The following UNC13C variants were observed in gnomAD, a reference collection of about 807,000 sequenced individuals.
UNC13C encodes unc-13 homolog C.
UNC13C carries 174 observed loss-of-function variants against 245.4 expected under a neutral mutation model. The observed-to-expected ratio is 0.71, with a 90% CI of 0.63 to 0.80. The LOEUF (loss-of-function observed/expected upper bound fraction) is 0.80, where lower values mean the gene tolerates loss of function less well. Among genes scored for constraint, UNC13C ranks in the 30% least tolerant of loss-of-function variants. UNC13C has a pLI of 0.00. For synonymous variants in UNC13C, 992 were observed against 895.1 expected (o/e 1.11, Z -1.93); for missense variants, 2,829 against 2,602.9 (o/e 1.09, Z -1.89).
chr15:54,218,893 G>A (rs960721014), intron 4 of UNC13C, among the ~76,000 whole-genome samples: 5 of 152,068 alleles, frequency 3.3e-5, no homozygotes, highest in East Asian at 3.9e-4. Context: ...ATCTTAATGG[G>A]ACGTAAAGGA....
At chr15:54,111,202 A>C (rs1900752934) in intron 2 of UNC13C, among the ~76,000 whole-genome samples, 1 of 152,346 alleles carries the variant, frequency 6.6e-6, no homozygotes, top group Non-Finnish European at 1.5e-5. Context: ...GACAATAGAC[A>C]TCAAAGGCTC....
At chr15:54,183,915 A>C (rs2141308447) in intron 4 of UNC13C, among the ~76,000 whole-genome samples, 1 of 152,240 alleles carries the variant, frequency 6.6e-6, no homozygotes, top group South Asian at 2.1e-4. Flanking sequence ...CACATTAGCT[A>C]TGCCTTAAAT....
chr15:53,909,962 GT>G, the UNC13C span, among the ~76,000 whole-genome samples: 1 of 142,354 alleles, frequency 7.0e-6, no homozygotes, highest in African/African-American at 2.5e-5. Context: ...CTTTGATGAA[GT>G]TTCTGTATTT....
intron 24 of UNC13C, among the ~76,000 whole-genome samples, chr15:54,515,684 C>A (rs547186460): frequency 2.4e-4 from 36 of 152,094 alleles, no homozygotes; most frequent in Non-Finnish European, 4.3e-4. Context: ...ATGGTAGAAT[C>A]CATAGTTATC....
intron 4 of UNC13C, among the ~76,000 whole-genome samples, chr15:54,194,564 C>T (rs537032889): frequency 6.6e-6 from 1 of 151,918 alleles, no homozygotes; most frequent in South Asian, 2.1e-4. Context: ...TGGATTAAAA[C>T]AACATGATAT....
chr15:54,540,405 T>G (rs550347925), intron 26 of UNC13C, among the ~76,000 whole-genome samples: 2 of 152,218 alleles, frequency 1.3e-5, no homozygotes, highest in South Asian at 4.1e-4. Context: ...TTGAAAATTG[T>G]CTGATTAATT....
downstream of UNC13C, chr15:54,633,397 GA>G (rs1901493236): frequency 6.6e-6 from 1 of 151,952 alleles, no homozygotes; most frequent in Non-Finnish European, 1.5e-5. Context: ...GTTACTTTGA[GA>G]ATAAAATTCA....
At chr15:54,585,035 G>T (rs1898414844) in intron 30 of UNC13C, among the ~76,000 whole-genome samples, 1 of 152,246 alleles carries the variant, frequency 6.6e-6, no homozygotes, top group Middle Eastern at 3.4e-3. Context: ...ACTACCATTG[G>T]TTATCCGATA....
At chr15:54,572,956 T>A (rs1897821854) in intron 30 of UNC13C, among the ~76,000 whole-genome samples, 1 of 152,188 alleles carries the variant, frequency 6.6e-6, no homozygotes, top group African/African-American at 2.4e-5. Flanking sequence ...TTCTCTTTTT[T>A]CTGTTTTTCT....
intron 2 of UNC13C, among the ~76,000 whole-genome samples, chr15:54,058,146 C>T (rs1005863604): frequency 6.6e-6 from 1 of 151,998 alleles, no homozygotes; most frequent in Non-Finnish European, 1.5e-5. Context: ...ACACAAAAAA[C>T]CCTTCAAAAA....
rs2038171227 is a variant in UNC13C, at chr15:54,321,931, T to C, written c.4269-8T>C. 1.3e-6 allele frequency: 2 copies of C among 1,557,812 alleles called. No homozygotes were observed. Among genetic ancestry groups the C allele is most frequent in the African/African-American group, 2.7e-5 (2 of 73,492 alleles). ...TCTTAAAAACACTTTATGTTTTTTG[T>C]CTTTCAGGCACTTTTCATGTCTGTC... is the stretch of plus-strand genomic sequence containing the variant. On this transcript the variant is annotated splice_region_variant and splice_polypyrimidine_tract_variant and intron_variant, in intron 13 of 32. Coordinates refer to ENST00000260323, the MANE Select transcript of UNC13C (RefSeq NM_001080534.3).
the UNC13C span, among the ~76,000 whole-genome samples, chr15:53,867,448 G>A: frequency 6.6e-6 from 1 of 152,156 alleles, no homozygotes; most frequent in Admixed American, 6.5e-5. Context: ...TCTCTCCGCA[G>A]CCCAGCGTCT....
intron 13 of UNC13C, among the ~76,000 whole-genome samples, chr15:54,304,653 T>TTAA (rs2037678515): frequency 8.1e-6 from 1 of 123,350 alleles, no homozygotes; most frequent in Non-Finnish European, 1.7e-5. Flanking sequence ...GAGATGTAAC[T>TTAA]AAAAAAAAAA....
intron 1 of UNC13C, among the ~76,000 whole-genome samples, chr15:54,005,388 A>G (rs1191630267): frequency 3.3e-5 from 5 of 152,190 alleles, no homozygotes; most frequent in Non-Finnish European, 5.9e-5. Context: ...CGTTGGTTGC[A>G]ATGCTGGCTG....
Position 54,333,729 on chromosome 15 carries a change from G to A in UNC13C, c.4495-38G>A, listed in dbSNP as rs751673695. The stretch of plus-strand genomic sequence containing the variant: ...TTTATTTTCCCACTAGAAGTTTACT[G>A]CTGACAACCTTATCCATTTTGTTTC... On this transcript the variant is annotated intron_variant, in intron 15 of 32. Transcript: ENST00000260323. 16 of 1,415,620 alleles carry A rather than the reference G, an allele frequency of 1.1e-5. No individual in the cohort carries two copies. In the East Asian group the frequency reaches 2.8e-4, roughly 25 times the overall value. The allele number at this position is 1,415,620 out of a possible 1,614,324, so 87.7% of individuals were successfully genotyped here. A position where few individuals can be genotyped will look rare whatever the true frequency, so the allele number is the denominator to read the frequency against.
At chr15:54,157,374 T>A (rs909285966) in intron 4 of UNC13C, among the ~76,000 whole-genome samples, 6 of 152,224 alleles carry the variant, frequency 3.9e-5, no homozygotes, top group African/African-American at 1.4e-4. Flanking sequence ...TGGATTATAC[T>A]CATAATCACA....
Position 54,015,644 on chromosome 15 carries a change from A to G in UNC13C, c.2741A>G (p.Tyr914Cys). 1 of 1,613,784 alleles carries G rather than the reference A, an allele frequency of 6.2e-7. No individual in the cohort carries two copies. Among genetic ancestry groups the G allele is most frequent in the Non-Finnish European group, 8.5e-7 (1 of 1,179,774 alleles). ...AYDHLSYETP[Y>C]ETPQDEGYDG... ...GATCACCTTTCATATGAAACACCTTATGAAACCCCACAAGATGAGGGTTAT... is the reference window on the plus strand; with the variant it reads ...GATCACCTTTCATATGAAACACCTTGTGAAACCCCACAAGATGAGGGTTAT... Residue 914 changes from tyrosine (Y) to cysteine (C), a missense_variant, in exon 2 of 33, where the codon TAT becomes TGT. By Grantham distance (194) the Tyr-to-Cys change is radical. Coordinates refer to ENST00000260323, the MANE Select transcript of UNC13C (RefSeq NM_001080534.3).
intron 17 of UNC13C, among the ~76,000 whole-genome samples, chr15:54,361,623 T>A (rs1441398171): frequency 1.3e-5 from 2 of 152,212 alleles, no homozygotes; most frequent in African/African-American, 4.8e-5. Flanking sequence ...TTTGCAGTAT[T>A]CTTTGGTGGT....
chr15:54,229,651 C>T (rs900837934), intron 4 of UNC13C, among the ~76,000 whole-genome samples: 1 of 152,056 alleles, frequency 6.6e-6, no homozygotes, highest in Non-Finnish European at 1.5e-5. Flanking sequence ...ACATCCACTC[C>T]ATTAGCATTT....
Sources: gnomAD v4.1 joint callset for allele counts (sites outside exome capture counted in the v4.1 genomes callset) on GRCh38, gnomAD v4.1.1 for gene constraint, MANE v1.5 for transcripts, NCBI Gene and HGNC (gene_info 2026-07-23, HGNC 2026-07-21) for gene names.